Variants in GABRA3 observed in about 807,000 individuals in gnomAD.
GABRA3 encodes gamma-aminobutyric acid type A receptor subunit alpha3.
In GABRA3, 10 loss-of-function variants were observed where a neutral mutation model predicts 30.1. That is an observed-to-expected ratio of 0.33 (90% CI 0.20 to 0.56). The LOEUF (loss-of-function observed/expected upper bound fraction) is 0.56. GABRA3 is among the 20% of genes least tolerant of loss of function. The pLI, the probability that GABRA3 is intolerant of heterozygous loss-of-function variation, is 0.89. For synonymous variants in GABRA3, 151 were observed against 146.8 expected, an observed-to-expected ratio of 1.03 and a Z score of -0.21; for missense variants, 233 against 392.0, an observed-to-expected ratio of 0.59 and a Z score of 3.42.
intron 3 of GABRA3, among the ~76,000 whole-genome samples, chrX:152,298,804 A>C (rs1316993194): frequency 8.9e-6 from 1 of 111,870 alleles, no homozygotes; most frequent in Middle Eastern, 4.2e-3. Context: ...CACCACACTG[A>C]CTTCCACAAT....
chrX:152,406,618 G>A (rs1232544813), intron 1 of GABRA3, among the ~76,000 whole-genome samples: 1 of 106,164 alleles, frequency 9.4e-6, no homozygotes, highest in African/African-American at 3.4e-5. Context: ...AATGTTATTA[G>A]AGCTAAAGAG....
intron 3 of GABRA3, among the ~76,000 whole-genome samples, chrX:152,316,637 C>T (rs1939882555): frequency 9.0e-6 from 1 of 111,709 alleles, no homozygotes; most frequent in Non-Finnish European, 1.9e-5. Context: ...TAAAGGAAAA[C>T]CTATCAAATT....
At chrX:152,260,489 T>C (rs1290206695) in intron 4 of GABRA3, among the ~76,000 whole-genome samples, 1 of 111,380 alleles carries the variant, frequency 9.0e-6, no homozygotes, top group African/African-American at 3.3e-5. Context: ...GTGGTGGCCA[T>C]AGGGGTGCTT....
chrX:152,197,494 T>C (rs1937404862), intron 8 of GABRA3, 139 bp downstream of exon 8: 5 of 464,914 alleles, frequency 1.1e-5, no homozygotes, highest in Non-Finnish European at 1.7e-5. Flanking sequence ...TAAAACCCCA[T>C]GGTCTGATGA....
intron 3 of GABRA3, among the ~76,000 whole-genome samples, chrX:152,316,819 C>A (rs1210982782): frequency 8.9e-6 from 1 of 111,856 alleles, no homozygotes; most frequent in Admixed American, 9.5e-5. Flanking sequence ...TGAGATAATT[C>A]ACCATTACCA....
intron 5 of GABRA3, chrX:152,251,226 G>C (rs187269073): frequency 4.5e-6 from 1 of 219,838 alleles, no homozygotes; most frequent in East Asian, 1.6e-4. Context: ...TAATCTCATC[G>C]AACTTGACTT....
In GABRA3 at chrX:152,238,934, C is replaced by T. The variant is rs904362259; in HGVS notation, c.552-14089G>A. ...GGTCTATCAATTTTGTTGATCCTTTCAAAAAACCAGCTCCTGGATTCATTG... is the reference window on the plus strand; with the variant it reads ...GGTCTATCAATTTTGTTGATCCTTTTAAAAAACCAGCTCCTGGATTCATTG... On this transcript the variant is annotated intron_variant, in intron 5 of 9. Coordinates refer to ENST00000370314, the MANE Select transcript of GABRA3 (RefSeq NM_000808.4). Among the ~76,000 whole-genome samples the T allele has an allele frequency of 1.7e-4, 19 of 111,165 alleles. No individual in the cohort carries two copies. In the Admixed American group the frequency reaches 1.7e-3, roughly 10 times the overall value.
chrX:152,356,914 G>A (rs766809103), intron 2 of GABRA3, among the ~76,000 whole-genome samples: 1 of 111,917 alleles, frequency 8.9e-6, no homozygotes, highest in South Asian at 3.8e-4. Flanking sequence ...TGCTGCAAAT[G>A]ACATGATCTC....
At chrX:152,396,457 A>G (rs1929664318) in intron 1 of GABRA3, among the ~76,000 whole-genome samples, 1 of 111,998 alleles carries the variant, frequency 8.9e-6, no homozygotes, top group South Asian at 3.7e-4. Context: ...AAATGACTGC[A>G]TGGTGTATAA....
rs1339219664 is a variant in GABRA3, at chrX:152,276,481, G to C, written c.330+8187C>G. On this transcript the variant is annotated intron_variant, in intron 4 of 9. Transcript: ENST00000370314. ...CTAAACTGAAAAAAGTTAAAAATGT[G>C]CAAGCCCTAACAAACCACAAATTTT... Among the ~76,000 whole-genome samples the C allele has an allele frequency of 4.5e-5, 5 of 111,338 alleles. No individual in the cohort carries two copies. In the East Asian group the frequency reaches 1.4e-3, roughly 31 times the overall value.
chrX:152,412,414 C>T lies in GABRA3; in HGVS notation c.-27+38732G>A, dbSNP rs189643971. Among the ~76,000 whole-genome samples the T allele has an allele frequency of 5.5e-3, 616 of 111,837 alleles. 9 individuals are homozygous for T. The highest frequency in any genetic ancestry group is 0.019 in the African/African-American group (588 of 30,833). Reference sequence around the variant, plus strand: ...CTTCACAATAGACAAAAGATGGAAACCACACAAATATCTGTCAACGGATGA... The same window carrying T: ...CTTCACAATAGACAAAAGATGGAAATCACACAAATATCTGTCAACGGATGA... On this transcript the variant is annotated intron_variant, in intron 1 of 9. Transcript: ENST00000370314.
intron 1 of GABRA3, among the ~76,000 whole-genome samples, chrX:152,420,017 G>A (rs1221226857): frequency 9.0e-6 from 1 of 111,096 alleles, no homozygotes; most frequent in African/African-American, 3.3e-5. Context: ...GAATAAAGGA[G>A]AAAAATATAT....
intron 1 of GABRA3, among the ~76,000 whole-genome samples, chrX:152,421,099 AC>A: frequency 1.1e-4 from 1 of 9,286 alleles, no homozygotes; most frequent in Admixed American, 1.1e-3. Context: ...TACACATTAT[AC>A]ACACACACAC....
At chrX:152,355,722 T>C (rs990112202) in intron 2 of GABRA3, among the ~76,000 whole-genome samples, 1 of 111,974 alleles carries the variant, frequency 8.9e-6, no homozygotes, top group Non-Finnish European at 1.9e-5. Flanking sequence ...ACTTACGTGT[T>C]GACCCATTAT....
At chrX:152,371,573 A>G (rs1285636290) in intron 1 of GABRA3, among the ~76,000 whole-genome samples, 1 of 110,657 alleles carries the variant, frequency 9.0e-6, no homozygotes, top group African/African-American at 3.3e-5. Context: ...GTGATGCAAT[A>G]TCATCGATCA....
chrX:152,225,884 G>A (rs1721321324), intron 5 of GABRA3, among the ~76,000 whole-genome samples: 1 of 110,012 alleles, frequency 9.1e-6, no homozygotes, highest in Admixed American at 9.7e-5. Context: ...TTGAGAAACT[G>A]GTTATCAATT....
At chrX:152,392,169 C>A (rs757242022) in intron 1 of GABRA3, 1 of 376,227 alleles carries the variant, frequency 2.7e-6, no homozygotes, top group African/African-American at 2.6e-5. Context: ...AAACACAGAG[C>A]ACAGGAACAA....
At chrX:152,275,334 A>T (rs1452504220) in intron 4 of GABRA3, among the ~76,000 whole-genome samples, 1 of 8,316 alleles carries the variant, frequency 1.2e-4, no homozygotes, top group Non-Finnish European at 2.4e-4. Flanking sequence ...ATATATATTT[A>T]ATATTATATA....
At chrX:152,428,866 G>A (rs1225175543) in intron 1 of GABRA3, among the ~76,000 whole-genome samples, 1 of 111,603 alleles carries the variant, frequency 9.0e-6, no homozygotes, top group Non-Finnish European at 1.9e-5. Context: ...AGTCCCAGCT[G>A]AAAACTGAGA....
Sources: allele counts gnomAD v4.1 joint callset (sites outside exome capture counted in the v4.1 genomes callset), GRCh38; gene constraint gnomAD v4.1.1; transcripts MANE v1.5; gene names NCBI Gene and HGNC (gene_info 2026-07-23, HGNC 2026-07-21).